Variants in RNLS observed in about 807,000 individuals in gnomAD.
RNLS encodes the protein renalase, FAD dependent amine oxidase.
In RNLS, 39 loss-of-function variants were observed where a neutral mutation model predicts 39.8. That is an observed-to-expected ratio of 0.98 (90% confidence interval 0.76 to 1.28). The LOEUF (loss-of-function observed/expected upper bound fraction) is 1.28. Among genes scored for constraint, RNLS ranks in the 50% most tolerant of loss-of-function variants. RNLS has a pLI of 0.00. For missense variants in RNLS, 410 were observed against 413.3 expected, an observed-to-expected ratio of 0.99 and a Z score of 0.07; for synonymous variants, 147 against 150.7, an observed-to-expected ratio of 0.98 and a Z score of 0.18.
chr10:88,581,446 G>T, intron 3 of RNLS, 121 bp downstream of exon 3: 2 of 779,688 alleles, frequency 2.6e-6, no homozygotes, highest in Non-Finnish European at 3.8e-6. Flanking sequence ...ACTAGCTATT[G>T]ATCAGCAAAT....
chr10:88,570,991 T>TG (rs1437763492), intron 4 of RNLS, among the ~76,000 whole-genome samples: 1 of 147,126 alleles, frequency 6.8e-6, no homozygotes, highest in African/African-American at 2.6e-5. Flanking sequence ...TTTGGTTTGT[T>TG]TTTTTTTTTT....
rs192511402 is a variant in RNLS, at chr10:88,364,529, G to C, written c.527-1804C>G. On this transcript the variant is annotated intron_variant, in intron 4 of 6. Transcript: ENST00000331772. ...TTCCAGATTGCGTGGTCAGGATGAAGGTAGAGCTCCCATATTAGAGTTACA... is the reference window on the plus strand; with the variant it reads ...TTCCAGATTGCGTGGTCAGGATGAACGTAGAGCTCCCATATTAGAGTTACA... Among the ~76,000 whole-genome samples the C allele has an allele frequency of 9.9e-5, 15 of 152,196 alleles. No homozygotes were observed. The East Asian group carries it at 2.7e-3, about 27-fold the overall frequency.
chr10:88,311,687 A>C (rs1049321458), intron 6 of RNLS, among the ~76,000 whole-genome samples: 1 of 152,236 alleles, frequency 6.6e-6, no homozygotes, highest in African/African-American at 2.4e-5. Context: ...GCCGTCAGCA[A>C]ATATTAGTCT....
At chr10:88,429,555 A>G (rs991881105) in intron 4 of RNLS, among the ~76,000 whole-genome samples, 5 of 151,860 alleles carry the variant, frequency 3.3e-5, no homozygotes, top group African/African-American at 1.2e-4. Flanking sequence ...TTTATGGATC[A>G]TATTTTTGGT....
At chr10:88,192,731 TG>T in the RNLS span, among the ~76,000 whole-genome samples, 2 of 152,246 alleles carry the variant, frequency 1.3e-5, no homozygotes, top group East Asian at 3.8e-4. Context: ...TCTGCTGGTT[TG>T]GTTCTCAGGG....
In RNLS at chr10:88,452,161, TGGTGAAGTAGAGAACTC is replaced by T. The variant is rs1411224819; in HGVS notation, c.527-89453_527-89437del. On this transcript the variant is annotated intron_variant, in intron 4 of 6. Transcript: ENST00000331772. ...TCACAATTATTACTTTATGTGACAC[TGGTGAAGTAGAGAACTC>T]TTTTGAGACTCAGATTCTTTATCTG... 1.1e-4 allele frequency among the ~76,000 whole-genome samples: 16 copies of T among 152,336 alleles called. No homozygotes were observed. The East Asian group carries it at 3.1e-3, about 29-fold the overall frequency.
At chr10:88,240,406 C>CTCTTTTT in the RNLS span, among the ~76,000 whole-genome samples, 1 of 108,558 alleles carries the variant, frequency 9.2e-6, no homozygotes, top group South Asian at 2.8e-4. Context: ...GCAAAAAGTC[C>CTCTTTTT]TTTTTTTAAA....
intron 4 of RNLS, among the ~76,000 whole-genome samples, chr10:88,527,809 C>CA (rs1847194432): frequency 7.1e-6 from 1 of 140,186 alleles, no homozygotes; most frequent in Non-Finnish European, 1.6e-5. Context: ...TCAACTAAGC[C>CA]AAAAAAGGAA....
the RNLS span, among the ~76,000 whole-genome samples, chr10:88,243,142 G>A: frequency 3.3e-5 from 5 of 152,214 alleles, no homozygotes; most frequent in African/African-American, 4.8e-5. Context: ...AAAATGCCTC[G>A]CACAGTGCCA....
chr10:88,556,708 T>C (rs1166422232), intron 4 of RNLS, among the ~76,000 whole-genome samples: 7 of 152,176 alleles, frequency 4.6e-5, no homozygotes, highest in Non-Finnish European at 1.0e-4. Flanking sequence ...GGAACTTCTA[T>C]TTGGATATCC....
At chr10:88,416,898 TTAACA>T (rs1238357339) in intron 4 of RNLS, among the ~76,000 whole-genome samples, 1 of 152,230 alleles carries the variant, frequency 6.6e-6, no homozygotes, top group Non-Finnish European at 1.5e-5. Context: ...CTCTTCCCAC[TTAACA>T]TCTGGAGCTT....
intron 4 of RNLS, among the ~76,000 whole-genome samples, chr10:88,537,822 A>G (rs918806813): frequency 6.6e-6 from 1 of 152,186 alleles, no homozygotes; most frequent in African/African-American, 2.4e-5. Context: ...GTAAAAATTC[A>G]TCAAGATGTG....
At position 88,501,628 on chromosome 10, in the gene RNLS, C is replaced by T. The variant is rs918993964; in HGVS notation, c.526+71275G>A. On this transcript the variant is annotated intron_variant, in intron 4 of 6. Transcript: ENST00000331772. ...ATTTAAGTGAGTTGATCTTCTGAAC[C>T]GCAATGCGTTAGTTCTTAAAATATC... 3.3e-5 allele frequency among the ~76,000 whole-genome samples: 5 copies of T among 152,052 alleles called. No individual in the cohort carries two copies. In the South Asian group the frequency reaches 6.2e-4, roughly 19 times the overall value.
chr10:88,355,564 C>T (rs970418036), intron 5 of RNLS, among the ~76,000 whole-genome samples: 1 of 152,110 alleles, frequency 6.6e-6, no homozygotes, highest in East Asian at 1.9e-4. Flanking sequence ...TCTGATTGTT[C>T]CTGTGGAGGT....
chr10:88,538,735 A>T (rs1206785189), intron 4 of RNLS, among the ~76,000 whole-genome samples: 2 of 152,102 alleles, frequency 1.3e-5, no homozygotes, highest in African/African-American at 4.8e-5. Flanking sequence ...TTATTCTACC[A>T]TTTCCTTTCT....
intron 5 of RNLS, among the ~76,000 whole-genome samples, chr10:88,324,792 A>G (rs777581813): frequency 6.6e-6 from 1 of 152,180 alleles, no homozygotes; most frequent in Non-Finnish European, 1.5e-5. Flanking sequence ...TATCCCTTAA[A>G]CAATAAGTAA....
the RNLS span, among the ~76,000 whole-genome samples, chr10:88,221,794 A>C: frequency 4.1e-4 from 63 of 152,144 alleles, no homozygotes; most frequent in African/African-American, 1.5e-3. Context: ...CCCATGTCAG[A>C]CATCACTAAT....
At chr10:88,191,110 C>T in the RNLS span, among the ~76,000 whole-genome samples, 2 of 152,196 alleles carry the variant, frequency 1.3e-5, no homozygotes, top group Admixed American at 1.3e-4. Context: ...GATTCACATT[C>T]CCTTTTCAGA....
rs994047968 is a variant in RNLS at position 88,377,579 on chromosome 10, G to A, written c.527-14854C>T. On this transcript the variant is annotated intron_variant, in intron 4 of 6. Coordinates refer to ENST00000331772, the MANE Select transcript of RNLS (RefSeq NM_001031709.3). ...TACAGGTGACTGTAACACATGTTAC[G>A]TATTTGTGTATCTACACATAGAAAA... Among the ~76,000 whole-genome samples, 11 of 152,118 alleles carry A rather than the reference G, an allele frequency of 7.2e-5. 1 individual carries two copies. In the South Asian group the frequency reaches 1.0e-3, roughly 14 times the overall value.
Sources: allele counts gnomAD v4.1 joint callset (sites outside exome capture counted in the v4.1 genomes callset), GRCh38; gene constraint gnomAD v4.1.1; transcripts MANE v1.5; gene names NCBI Gene and HGNC (gene_info 2026-07-23, HGNC 2026-07-21).